Variants in MBD5 observed in about 807,000 individuals in gnomAD.
MBD5 encodes the protein methyl-CpG binding domain protein 5.
Under a neutral mutation model 117.3 loss-of-function variants are expected in MBD5, and 13 were observed. The observed-to-expected ratio is 0.11, with a 90% confidence interval of 0.07 to 0.18. MBD5 has a LOEUF of 0.18. Ranked by LOEUF, MBD5 falls within the 10% of genes least tolerant of loss-of-function variation. The pLI, the probability that MBD5 is intolerant of heterozygous loss-of-function variation, is 1.00. For synonymous variants in MBD5, 727 were observed against 766.4 expected, an observed-to-expected ratio of 0.95 and a Z score of 0.85; for missense variants, 1,879 against 2,093.8, an observed-to-expected ratio of 0.90 and a Z score of 2.00.
At chr2:148,180,343 C>CATATATATATATATAT (rs70992196) in intron 2 of MBD5, among the ~76,000 whole-genome samples, 26,112 of 104,666 alleles carry the variant, frequency 0.25, 3,891 homozygotes, top group Middle Eastern at 0.33. Context: ...AAAAATTATA[C>CATATATATATATATAT]ATATATATAT....
intron 1 of MBD5, among the ~76,000 whole-genome samples, chr2:148,051,098 AAC>A (rs769111464): frequency 1.8e-4 from 28 of 152,108 alleles, no homozygotes; most frequent in Non-Finnish European, 4.4e-5. Flanking sequence ...TAATTTTTTA[AAC>A]AGTGTTTTGT....
chr2:148,228,117 G>A (rs1216255482), intron 2 of MBD5, among the ~76,000 whole-genome samples: 1 of 152,264 alleles, frequency 6.6e-6, no homozygotes, highest in East Asian at 1.9e-4. Flanking sequence ...TCTCCTGCCT[G>A]ATTGCCCTGA....
In MBD5 at chr2:148,046,981, C is replaced by T. The variant is rs916896752; in HGVS notation, c.-925+25297C>T. The stretch of plus-strand genomic sequence containing the variant: ...CTTTTCCCCTTATGATGTCTTTCAT[C>T]GCAGCTAACCAACCCACTTCCTCTT... On this transcript the variant is annotated intron_variant, in intron 1 of 13. Coordinates refer to ENST00000642680, the MANE Select transcript of MBD5 (RefSeq NM_001378120.1). Among the ~76,000 whole-genome samples, 5 of 152,138 alleles carry T rather than the reference C, an allele frequency of 3.3e-5. No individual in the cohort carries two copies. The East Asian group carries it at 5.8e-4, about 18-fold the overall frequency.
At chr2:148,257,408 C>G (rs1454208313) in intron 3 of MBD5, among the ~76,000 whole-genome samples, 1 of 152,218 alleles carries the variant, frequency 6.6e-6, no homozygotes, top group East Asian at 1.9e-4. Context: ...AGGAGGCCCA[C>G]AAAAATTTGC....
intron 1 of MBD5, among the ~76,000 whole-genome samples, chr2:148,119,965 A>G (rs564922774): frequency 2.6e-5 from 4 of 152,138 alleles, no homozygotes; most frequent in Non-Finnish European, 4.4e-5. Context: ...ACATGCTCAA[A>G]TAAAGTGACA....
chr2:148,396,547 T>A (rs974120270), intron 4 of MBD5, among the ~76,000 whole-genome samples: 1 of 152,222 alleles, frequency 6.6e-6, no homozygotes. Context: ...TCTCCACTTT[T>A]GTAGATCCGA....
intron 3 of MBD5, among the ~76,000 whole-genome samples, chr2:148,305,417 G>T (rs1701870089): frequency 6.6e-6 from 1 of 152,134 alleles, no homozygotes; most frequent in Admixed American, 6.5e-5. Context: ...CTATGAAACA[G>T]AAAAAGAAAA....
intron 4 of MBD5, among the ~76,000 whole-genome samples, chr2:148,438,054 G>A (rs765279678): frequency 1.3e-5 from 2 of 152,174 alleles, no homozygotes; most frequent in Non-Finnish European, 2.9e-5. Flanking sequence ...TTGTGATAAT[G>A]TACTTTCGTG....
At chr2:148,217,364 C>G (rs1699583409) in intron 2 of MBD5, among the ~76,000 whole-genome samples, 1 of 152,252 alleles carries the variant, frequency 6.6e-6, no homozygotes, top group Admixed American at 6.5e-5. Context: ...AGAGAGGGAG[C>G]CTTGTGCTCT....
chr2:148,302,985 T>TTA (rs1491421237), intron 3 of MBD5, among the ~76,000 whole-genome samples: 2 of 149,020 alleles, frequency 1.3e-5, no homozygotes, highest in Non-Finnish European at 3.0e-5. Flanking sequence ...ATTATATATA[T>TTA]TATATATATT....
chr2:148,485,368 C>T (rs904800805), intron 9 of MBD5: 9 of 208,302 alleles, frequency 4.3e-5, no homozygotes, highest in Non-Finnish European at 7.8e-5. Context: ...CAGATACTTA[C>T]AATTGCTAAA....
At chr2:148,296,864 A>ACTTTTTTTTTTTTTTTTTTTTTT (rs1701665621) in intron 3 of MBD5, among the ~76,000 whole-genome samples, 1 of 61,310 alleles carries the variant, frequency 1.6e-5, no homozygotes, top group Non-Finnish European at 3.0e-5. Context: ...TAGTTCTTCA[A>ACTTTTTTTTTTTTTTTTTTTTTT]TTTTTTTTTT....
At chr2:148,201,449 C>T (rs1182174407) in intron 2 of MBD5, among the ~76,000 whole-genome samples, 1 of 152,202 alleles carries the variant, frequency 6.6e-6, no homozygotes, top group Non-Finnish European at 1.5e-5. Context: ...TTGTCTGCAG[C>T]CCGACAGACA....
intron 1 of MBD5, among the ~76,000 whole-genome samples, chr2:148,101,919 A>G (rs1453308827): frequency 6.6e-6 from 1 of 152,182 alleles, no homozygotes; most frequent in Non-Finnish European, 1.5e-5. Flanking sequence ...ATGTATATAC[A>G]TACACACACA....
At chr2:148,267,210 A>T (rs1269926341) in intron 3 of MBD5, among the ~76,000 whole-genome samples, 1 of 152,168 alleles carries the variant, frequency 6.6e-6, no homozygotes, top group East Asian at 1.9e-4. Context: ...CAGTAGACAG[A>T]TAAAAAAAGA....
chr2:148,245,479 C>G (rs1010264943), intron 3 of MBD5, among the ~76,000 whole-genome samples: 7 of 151,872 alleles, frequency 4.6e-5, no homozygotes, highest in African/African-American at 1.7e-4. Context: ...TGCCTGTGGT[C>G]CCAGCTACTC....
At chr2:148,291,808 T>A (rs1701506071) in intron 3 of MBD5, among the ~76,000 whole-genome samples, 1 of 152,182 alleles carries the variant, frequency 6.6e-6, no homozygotes, top group African/African-American at 2.4e-5. Context: ...ATTACCTGAC[T>A]TCAAATATAC....
chr2:148,484,989 T>C (rs2105086926), intron 9 of MBD5: 1 of 152,316 alleles, frequency 6.6e-6, no homozygotes, highest in Admixed American at 6.5e-5. Flanking sequence ...CATTGAAATC[T>C]TTGTAGTTAA....
intron 1 of MBD5, among the ~76,000 whole-genome samples, chr2:148,043,857 C>G (rs1470353910): frequency 1.3e-5 from 2 of 152,122 alleles, no homozygotes; most frequent in Non-Finnish European, 2.9e-5. Flanking sequence ...TTTTGTAAAA[C>G]ATATTTATTT....
Sources: gnomAD v4.1 joint callset for allele counts (sites outside exome capture counted in the v4.1 genomes callset) on GRCh38, gnomAD v4.1.1 for gene constraint, MANE v1.5 for transcripts, NCBI Gene and HGNC (gene_info 2026-07-23, HGNC 2026-07-21) for gene names.